Variants in DCAF10 observed in about 807,000 individuals in gnomAD.
DCAF10 encodes the protein DDB1- and CUL4-associated factor 10.
A neutral mutation model predicts 51.9 loss-of-function variants in DCAF10; 19 were observed. The ratio of observed to expected loss-of-function variants is 0.37; its 90% CI spans 0.26 to 0.54. The LOEUF is 0.54. DCAF10 is among the 20% of genes least tolerant of loss of function. The pLI is 0.87. For missense variants in DCAF10, 510 were observed against 730.6 expected (o/e 0.70, Z 3.48); for synonymous variants, 291 against 297.1 (o/e 0.98, Z 0.21).
At chr9:37,855,042 T>C in intron 4 of DCAF10, 60 bp downstream of exon 4, 1 of 1,448,092 alleles carries the variant, frequency 6.9e-7, no homozygotes, top group Non-Finnish European at 9.3e-7. Flanking sequence ...ATAGAGATGG[T>C]ATAGGTTTCT....
chr9:37,850,870 ATATATATATAT>A (rs1564048905), intron 3 of DCAF10, among the ~76,000 whole-genome samples: 76 of 83,572 alleles, frequency 9.1e-4, no homozygotes, highest in Non-Finnish European at 1.4e-3. Context: ...ATATATATAT[ATATATATATAT>A]AAATTAGCTT....
At chr9:37,860,398 C>A in intron 6 of DCAF10, 1 of 582,938 alleles carries the variant, frequency 1.7e-6, no homozygotes, top group Non-Finnish European at 2.7e-6. Context: ...TATTCCTCTC[C>A]TGCTGGGGTT....
At chr9:37,844,966 C>T (rs898248360) in intron 3 of DCAF10, among the ~76,000 whole-genome samples, 1 of 152,154 alleles carries the variant, frequency 6.6e-6, no homozygotes, top group African/African-American at 2.4e-5. Flanking sequence ...AGAACCAGTA[C>T]AAAAATTGAG....
intron 5 of DCAF10, 119 bp from the exon 6 acceptor site, chr9:37,859,929 T>A (rs1166664422): frequency 4.1e-6 from 5 of 1,224,476 alleles, no homozygotes; most frequent in Non-Finnish European, 4.7e-6. Context: ...TATGGTAGCA[T>A]AAGGGGCAGA....
intron 2 of DCAF10, among the ~76,000 whole-genome samples, chr9:37,823,336 CA>C (rs1829760446): frequency 6.6e-6 from 1 of 151,976 alleles, no homozygotes. Flanking sequence ...TCTAGAATAC[CA>C]AAAGTCAAGA....
intron 2 of DCAF10, among the ~76,000 whole-genome samples, chr9:37,834,854 T>C (rs1474933731): frequency 1.3e-5 from 2 of 151,726 alleles, no homozygotes; most frequent in African/African-American, 4.9e-5. Flanking sequence ...AGTGGTGCTA[T>C]CTCGACTCAC....
At chr9:37,847,633 TACTGGAGGTGCAACATTGC>T (rs1025608057) in intron 3 of DCAF10, among the ~76,000 whole-genome samples, 3 of 152,160 alleles carry the variant, frequency 2.0e-5, no homozygotes, top group East Asian at 1.9e-4. Context: ...TTTGAAATTA[TACTGGAGGTGCAACATTGC>T]ACTGGAGGTG....
chr9:37,817,005 TATATC>T (rs1293774756), intron 1 of DCAF10, among the ~76,000 whole-genome samples: 1 of 152,100 alleles, frequency 6.6e-6, no homozygotes, highest in Non-Finnish European at 1.5e-5. Flanking sequence ...ACATAGCAAA[TATATC>T]ATAAGCCTTC....
chr9:37,816,171 A>G (rs1829525177), intron 1 of DCAF10, among the ~76,000 whole-genome samples: 1 of 152,240 alleles, frequency 6.6e-6, no homozygotes, highest in South Asian at 2.1e-4. Flanking sequence ...AACAGAAGGT[A>G]GGCATGGGCC....
chr9:37,841,305 GCA>G (rs1365268940), intron 2 of DCAF10, among the ~76,000 whole-genome samples: 6 of 152,146 alleles, frequency 3.9e-5, no homozygotes, highest in African/African-American at 1.4e-4. Flanking sequence ...CTTAGAAGAA[GCA>G]CCAGAATTCA....
intron 1 of DCAF10, among the ~76,000 whole-genome samples, chr9:37,816,842 AAG>A (rs1829554795): frequency 6.6e-6 from 1 of 152,186 alleles, no homozygotes; most frequent in Non-Finnish European, 1.5e-5. Context: ...AATTCTACCT[AAG>A]TAATCTGTAA....
chr9:37,852,891 A>AT (rs1450252662), intron 3 of DCAF10, among the ~76,000 whole-genome samples: 2 of 147,812 alleles, frequency 1.4e-5, no homozygotes, highest in African/African-American at 5.0e-5. Flanking sequence ...TTAAAAGTAG[A>AT]TTTTAAGTGT....
intron 2 of DCAF10, among the ~76,000 whole-genome samples, chr9:37,830,561 G>A (rs1285532066): frequency 6.6e-6 from 1 of 152,192 alleles, no homozygotes; most frequent in Non-Finnish European, 1.5e-5. Context: ...GGACTGGGGA[G>A]GGATATACAA....
In DCAF10 at chr9:37,861,247, T is replaced by C; in HGVS notation, c.1419T>C (p.Gly473=). The change falls in exon 7 of 7, where the codon GGT becomes GGC. Residue 473 remains glycine, a synonymous_variant. Transcript: ENST00000377724. The surrounding 1 kb of genome is among the most constrained non-coding windows in gnomAD (Gnocchi z 4.9). The part of the protein sequence containing the change: ...HYIEEANVGR[G]YIKELCFSPD... ...TTGAAGAAGCCAATGTAGGCAGGGG[T>C]TACATCAAAGAACTTTGCTTCAGCC... 1 of 1,614,114 alleles carries C rather than the reference T, an allele frequency of 6.2e-7. No individual in the cohort carries two copies. The highest frequency in any genetic ancestry group is 8.5e-7 in the Non-Finnish European group (1 of 1,180,016).
At chr9:37,837,288 G>A (rs1340332639) in intron 2 of DCAF10, among the ~76,000 whole-genome samples, 1 of 151,750 alleles carries the variant, frequency 6.6e-6, no homozygotes, top group Non-Finnish European at 1.5e-5. Context: ...GTGAAACCCC[G>A]TCTCTACTAA....
intron 2 of DCAF10, among the ~76,000 whole-genome samples, chr9:37,835,253 G>A (rs1485121157): frequency 6.6e-6 from 1 of 152,032 alleles, no homozygotes; most frequent in Non-Finnish European, 1.5e-5. Flanking sequence ...TGGCCAACAT[G>A]TTGAAACCCT....
chr9:37,813,017 A>G (rs1176655026), intron 1 of DCAF10, among the ~76,000 whole-genome samples: 1 of 152,232 alleles, frequency 6.6e-6, no homozygotes, highest in East Asian at 1.9e-4. Flanking sequence ...TTGATGCATG[A>G]TGTTAGCTCT....
rs1192830096 is a variant in DCAF10, at chr9:37,864,840, C to A, written c.*3332C>A. ...AATAATATACAGACTTCACTACTAA[C>A]CCTCACAAAAACTTGCAGGGTAGGT... On this transcript the variant is annotated 3_prime_UTR_variant, in exon 7 of 7. Transcript: ENST00000377724. 6.6e-6 allele frequency: 1 copy of A among 152,088 alleles called. No homozygotes were observed. Among genetic ancestry groups the A allele is most frequent in the Non-Finnish European group, 1.5e-5 (1 of 68,006 alleles). The allele number at this position is 152,088 out of a possible 1,614,324, so 9.4% of individuals were successfully genotyped here.
chr9:37,845,243 G>A lies in DCAF10; in HGVS notation c.851+2957G>A, dbSNP rs1292902339. On this transcript the variant is annotated intron_variant, in intron 3 of 6. Coordinates refer to ENST00000377724, the MANE Select transcript of DCAF10 (RefSeq NM_024345.5). ...GAAAGTAGATGTATGGAAATGATAA[G>A]TGTAAAAGCATAAAATTGATGATGT... Among the ~76,000 whole-genome samples, 2 of 152,122 alleles carry A rather than the reference G, an allele frequency of 1.3e-5. 1 individual carries two copies. Among genetic ancestry groups the A allele is most frequent in the Admixed American group, 1.3e-4 (2 of 15,264 alleles).
Sources: gnomAD v4.1 joint callset for allele counts (sites outside exome capture counted in the v4.1 genomes callset) on GRCh38, gnomAD v4.1.1 for gene constraint, Gnocchi (gnomAD v3.1) non-coding constraint, MANE v1.5 for transcripts, NCBI Gene and HGNC (gene_info 2026-07-23, HGNC 2026-07-21) for gene names.